Variants in LRP1B observed in about 807,000 individuals in gnomAD.
LRP1B encodes LDL receptor related protein 1B, also known as low-density lipoprotein receptor-related protein 1B.
LRP1B carries 217 observed loss-of-function variants against 556.6 expected under a neutral mutation model. That is an observed-to-expected ratio of 0.39 (90% CI 0.35 to 0.44). The LOEUF (loss-of-function observed/expected upper bound fraction) is 0.44, where lower values mean the gene tolerates loss of function less well. LRP1B is among the 20% of genes least tolerant of loss of function. The probability of loss-of-function intolerance (pLI) is 1.00; values close to 1 mark genes in which losing one functional copy is unlikely to be tolerated. For synonymous variants in LRP1B, 2,047 were observed against 1,865.8 expected, an observed-to-expected ratio of 1.10 and a Z score of -2.50; for missense variants, 5,053 against 5,620.8, an observed-to-expected ratio of 0.90 and a Z score of 3.23.
chr2:141,778,238 C>T (rs950155252), intron 2 of LRP1B, among the ~76,000 whole-genome samples: 2 of 152,178 alleles, frequency 1.3e-5, no homozygotes, highest in Admixed American at 6.5e-5. Context: ...GCATCTGATT[C>T]GCCTGCATCC....
chr2:140,930,269 T>C (rs1480037623), intron 20 of LRP1B, among the ~76,000 whole-genome samples: 1 of 152,128 alleles, frequency 6.6e-6, no homozygotes, highest in African/African-American at 2.4e-5. Flanking sequence ...TACAATTTTA[T>C]TGTATTTTTG....
At chr2:141,844,594 C>T (rs1697582031) in intron 1 of LRP1B, among the ~76,000 whole-genome samples, 1 of 152,014 alleles carries the variant, frequency 6.6e-6, no homozygotes, top group Non-Finnish European at 1.5e-5. Context: ...TTGTTTATGT[C>T]TAGCTTAAAA....
At chr2:141,832,130 G>A (rs1697130952) in intron 1 of LRP1B, among the ~76,000 whole-genome samples, 1 of 151,450 alleles carries the variant, frequency 6.6e-6, no homozygotes, top group Non-Finnish European at 1.5e-5. Context: ...AGAAATAATA[G>A]CCTTTGCTGA....
intron 1 of LRP1B, among the ~76,000 whole-genome samples, chr2:142,056,945 A>G (rs1704697409): frequency 6.6e-6 from 1 of 152,126 alleles, no homozygotes; most frequent in African/African-American, 2.4e-5. Context: ...CCTAAATTAC[A>G]TGCTAAATGT....
chr2:140,263,275 T>C (rs984290377), intron 86 of LRP1B, among the ~76,000 whole-genome samples: 36 of 152,234 alleles, frequency 2.4e-4, no homozygotes, highest in African/African-American at 8.7e-4. Flanking sequence ...AAACTGCATC[T>C]GGTGATGCAT....
At chr2:140,816,395 C>T (rs1340936306) in intron 31 of LRP1B, among the ~76,000 whole-genome samples, 3 of 152,104 alleles carry the variant, frequency 2.0e-5, no homozygotes, top group Non-Finnish European at 4.4e-5. Flanking sequence ...GGATTACAGG[C>T]ATGAACCACA....
In LRP1B at chr2:141,035,655, T is replaced by C. The variant is rs151123481; in HGVS notation, c.1789+13331A>G. 3.1e-3 allele frequency among the ~76,000 whole-genome samples: 476 copies of C among 151,986 alleles called. 4 individuals are homozygous for C. The highest frequency in any genetic ancestry group is 0.011 in the African/African-American group (463 of 41,552). ...TTTAATCATATCATCCTGTACCATC[T>C]CTTTAAATAAAAGATTTTTTCTGAT... On this transcript the variant is annotated intron_variant, in intron 11 of 90. Transcript: ENST00000389484.
At chr2:141,120,938 G>A (rs977285678) in intron 7 of LRP1B, among the ~76,000 whole-genome samples, 3 of 151,962 alleles carry the variant, frequency 2.0e-5, no homozygotes, top group African/African-American at 7.2e-5. Flanking sequence ...TGCCCTAATA[G>A]CTTCTGACAA....
chr2:142,000,472 T>G (rs775607065), intron 1 of LRP1B, among the ~76,000 whole-genome samples: 1 of 152,166 alleles, frequency 6.6e-6, no homozygotes, highest in Non-Finnish European at 1.5e-5. Flanking sequence ...GAAGAGTACA[T>G]TTTGCAAATT....
intron 2 of LRP1B, among the ~76,000 whole-genome samples, chr2:141,722,507 G>T (rs1310374327): frequency 6.6e-6 from 1 of 152,112 alleles, no homozygotes; most frequent in Non-Finnish European, 1.5e-5. Flanking sequence ...TTATGTGTCT[G>T]TGTTAATTTA....
intron 1 of LRP1B, among the ~76,000 whole-genome samples, chr2:142,022,500 T>C (rs1291653716): frequency 6.6e-6 from 1 of 152,076 alleles, no homozygotes; most frequent in Non-Finnish European, 1.5e-5. Context: ...CCTAAACTTA[T>C]TGAAGGGCAT....
chr2:140,378,227 T>A lies in LRP1B; in HGVS notation c.10591A>T (p.Arg3531Trp). 1 of 1,613,794 alleles carries A rather than the reference T, an allele frequency of 6.2e-7. No individual in the cohort carries two copies. The highest frequency in any genetic ancestry group is 2.2e-5 in the East Asian group (1 of 44,852). ...LCANGDCVSS[R>W]FWCDGDFDCA... is the part of the protein sequence containing the mutation. ...TCAAAATCTCCATCACACCAAAACC[T>A]TGAAGAAACACAGTCCCCATTGGCA... Residue 3531 changes from arginine to tryptophan, a missense_variant, in exon 68 of 91, where the codon AGG (arginine) becomes TGG (tryptophan). Transcript: ENST00000389484.
intron 1 of LRP1B, among the ~76,000 whole-genome samples, chr2:142,085,458 G>C (rs1243177736): frequency 6.6e-6 from 1 of 152,096 alleles, no homozygotes; most frequent in African/African-American, 2.4e-5. Flanking sequence ...CTGAGTACCT[G>C]AGTTAAATAC....
intron 2 of LRP1B, among the ~76,000 whole-genome samples, chr2:141,660,239 C>A (rs1040732715): frequency 6.6e-6 from 1 of 152,252 alleles, no homozygotes; most frequent in South Asian, 2.1e-4. Context: ...GGAGCTCCCA[C>A]CCCCAGCCAA....
Position 140,532,947 on chromosome 2 carries a change from T to TATATATATATATATACACAC in LRP1B, c.7762+1073_7762+1074insGTGTGTATATATATATATAT. 1.1e-3 allele frequency among the ~76,000 whole-genome samples: 132 copies of TATATATATATATATACACAC among 124,216 alleles called. 4 individuals are homozygous for TATATATATATATATACACAC. The highest frequency in any genetic ancestry group is 3.8e-3 in the Middle Eastern group (1 of 262). 81.5% of individuals were successfully genotyped at this position (124,216 alleles called of 152,430 possible). A position where few individuals can be genotyped will look rare whatever the true frequency, so the allele number is the denominator to read the frequency against. On this transcript the variant is annotated intron_variant, in intron 47 of 90. Coordinates refer to ENST00000389484, the MANE Select transcript of LRP1B (RefSeq NM_018557.3). ...AGCACAAGATATATATATATATATATACACATATATATCTCGATCTGTTTA... is the reference window on the plus strand; with the variant it reads ...AGCACAAGATATATATATATATATATATATATATATATATACACACACACATATATATCTCGATCTGTTTA...
chr2:140,997,686 G>T (rs1397531130), intron 15 of LRP1B, among the ~76,000 whole-genome samples: 3 of 151,862 alleles, frequency 2.0e-5, no homozygotes, highest in Non-Finnish European at 1.5e-5. Flanking sequence ...CTAATATTGA[G>T]AAATATTTGT....
intron 2 of LRP1B, among the ~76,000 whole-genome samples, chr2:141,638,947 A>G (rs1689205328): frequency 1.7e-5 from 1 of 58,030 alleles, no homozygotes; most frequent in East Asian, 4.3e-4. Context: ...ACACACGCAC[A>G]TACACACACA....
chr2:140,871,429 G>C (rs1483437050), intron 25 of LRP1B, among the ~76,000 whole-genome samples: 1 of 152,064 alleles, frequency 6.6e-6, no homozygotes, highest in Non-Finnish European at 1.5e-5. Context: ...GAGAGAAAAA[G>C]GGATAGAGAA....
chr2:141,341,409 C>T lies in LRP1B; in HGVS notation c.344-86768G>A, dbSNP rs529347401. ...CATTTCTCAGATCAGTTTCCAGTTC[C>T]TCCTCATTAAAGAAATAGAGATTGG... On this transcript the variant is annotated intron_variant, in intron 3 of 90. Transcript: ENST00000389484. Among the ~76,000 whole-genome samples, 16 of 152,212 alleles carry T rather than the reference C, an allele frequency of 1.1e-4. No individual in the cohort carries two copies. In the South Asian group the frequency reaches 3.1e-3, roughly 30 times the overall value.
Sources: allele counts gnomAD v4.1 joint callset (sites outside exome capture counted in the v4.1 genomes callset), GRCh38; gene constraint gnomAD v4.1.1; transcripts MANE v1.5; gene names NCBI Gene and HGNC (gene_info 2026-07-23, HGNC 2026-07-21).